DMD: variants seen among roughly 807,000 people sequenced by gnomAD.
DMD encodes the protein dystrophin, also known as mutant dystrophin.
DMD carries 63 observed loss-of-function variants against 330.1 expected under a neutral mutation model. The observed-to-expected ratio is 0.19, with a 90% CI of 0.16 to 0.24. The LOEUF is 0.24. DMD is among the 10% of genes least tolerant of loss of function. DMD has a pLI of 1.00. For missense variants in DMD, 3,344 were observed against 2,684.1 expected, an observed-to-expected ratio of 1.25 and a Z score of -5.43; for synonymous variants, 1,223 against 959.8, an observed-to-expected ratio of 1.27 and a Z score of -5.07.
At chrX:32,866,925 A>G (rs920274373) in intron 2 of DMD, among the ~76,000 whole-genome samples, 39 of 111,109 alleles carry the variant, frequency 3.5e-4, no homozygotes, top group African/African-American at 1.1e-3. Context: ...TAGTAGAAAC[A>G]GGGTTTCACC....
intron 2 of DMD, among the ~76,000 whole-genome samples, chrX:32,881,547 T>C (rs17338877): frequency 0.071 from 7,964 of 111,868 alleles, 294 homozygotes; most frequent in Middle Eastern, 0.16. Context: ...TATTCAATAG[T>C]AGGCAGCAAT....
chrX:32,924,673 T>C (rs1003344151), intron 2 of DMD, among the ~76,000 whole-genome samples: 3 of 112,295 alleles, frequency 2.7e-5, no homozygotes, highest in African/African-American at 6.5e-5. Context: ...TAAAATACAC[T>C]GATTTTCTCC....
intron 44 of DMD, among the ~76,000 whole-genome samples, chrX:32,059,537 C>T (rs1300931886): frequency 1.8e-5 from 2 of 111,934 alleles, no homozygotes; most frequent in South Asian, 3.6e-4. Context: ...TGTGTATCAA[C>T]GGCAGTGTGA....
chrX:31,664,529 CTTTTTTTT>C (rs57706460), intron 53 of DMD, among the ~76,000 whole-genome samples: 1 of 63,786 alleles, frequency 1.6e-5, no homozygotes, highest in African/African-American at 6.9e-5. Flanking sequence ...AGTGTTCAAG[CTTTTTTTT>C]TTTTTTTTTT....
At position 32,395,321 on chromosome X, in the gene DMD, G is replaced by A. The variant is rs187770479; in HGVS notation, c.4234-5140C>T. 1.9e-4 allele frequency among the ~76,000 whole-genome samples: 21 copies of A among 110,992 alleles called. 1 individual carries two copies. In the East Asian group the frequency reaches 5.1e-3, roughly 27 times the overall value. On this transcript the variant is annotated intron_variant, in intron 30 of 78. Coordinates refer to ENST00000357033, the MANE Select transcript of DMD (RefSeq NM_004006.3). ...AATTGTTGCCCCTATACTTACAGAAGCCTTATTTTAAGAGGCAGACTGTAG... is the reference window on the plus strand; with the variant it reads ...AATTGTTGCCCCTATACTTACAGAAACCTTATTTTAAGAGGCAGACTGTAG...
At chrX:33,153,897 C>T (rs1357875614) in intron 1 of DMD, among the ~76,000 whole-genome samples, 4 of 112,042 alleles carry the variant, frequency 3.6e-5, no homozygotes, top group East Asian at 2.8e-4. Context: ...ATAAGTCATA[C>T]GATACAATAT....
In DMD at chrX:31,178,245, T is replaced by A. The variant is rs146013792; in HGVS notation, c.10224-275A>T. 4.0e-5 allele frequency: 30 copies of A among 750,954 alleles called. No individual in the cohort carries two copies. In the African/African-American group the frequency reaches 6.5e-4, roughly 16 times the overall value. 61.9% of individuals were successfully genotyped at this position (750,954 alleles called of 1,213,427 possible). Reference sequence around the variant, plus strand: ...CTACTTACTGTGAAGTAGTTTCCTGTGACTATATTTTCTTTTGAGTAGAAA... The same window carrying A: ...CTACTTACTGTGAAGTAGTTTCCTGAGACTATATTTTCTTTTGAGTAGAAA... On this transcript the variant is annotated intron_variant, in intron 70 of 78. Coordinates refer to ENST00000357033, the MANE Select transcript of DMD (RefSeq NM_004006.3).
intron 1 of DMD, among the ~76,000 whole-genome samples, chrX:33,302,613 A>G (rs1281478965): frequency 9.0e-6 from 1 of 111,232 alleles, no homozygotes; most frequent in Non-Finnish European, 1.9e-5. Flanking sequence ...TAAAGAACTT[A>G]ATTTTTCTAG....
chrX:32,566,646 T>C (rs2051749111), intron 15 of DMD, among the ~76,000 whole-genome samples: 1 of 112,390 alleles, frequency 8.9e-6, no homozygotes, highest in Non-Finnish European at 1.9e-5. Context: ...ATACCATTTA[T>C]ATTTCCAAAG....
At position 32,849,878 on chromosome X, in the gene DMD, C is replaced by A; in HGVS notation, c.94-58G>T. ...AAGCACACTTCCAATGATACATTTT[C>A]ACGATTATCCCCTTTTGAAAACTAA... On this transcript the variant is annotated intron_variant, in intron 2 of 78. Coordinates refer to ENST00000357033, the MANE Select transcript of DMD (RefSeq NM_004006.3). The A allele has an allele frequency of 8.2e-6, 7 of 849,236 alleles. No homozygotes were observed. The Admixed American group carries it at 1.6e-4, about 19-fold the overall frequency. 70.0% of individuals were successfully genotyped at this position (849,236 alleles called of 1,213,427 possible).
intron 37 of DMD, among the ~76,000 whole-genome samples, chrX:32,362,504 A>G (rs1364181554): frequency 9.0e-6 from 1 of 111,291 alleles, no homozygotes; most frequent in African/African-American, 3.3e-5. Flanking sequence ...GACCCCTGAA[A>G]GTACGTATGT....
chrX:32,355,395 A>G (rs1312668610), intron 37 of DMD, among the ~76,000 whole-genome samples: 1 of 111,368 alleles, frequency 9.0e-6, no homozygotes, highest in Non-Finnish European at 1.9e-5. Context: ...CTCTGGTCCA[A>G]AGCAAAATTG....
intron 57 of DMD, 87 bp from the exon 58 acceptor site, chrX:31,479,190 A>G: frequency 9.6e-7 from 1 of 1,039,473 alleles, no homozygotes; most frequent in East Asian, 3.1e-5. Context: ...TTGTTTATGA[A>G]ACTCCCAGGT....
intron 9 of DMD, among the ~76,000 whole-genome samples, chrX:32,694,515 C>CACAT (rs1366664830): frequency 1.8e-5 from 2 of 111,950 alleles, no homozygotes; most frequent in Non-Finnish European, 3.8e-5. Context: ...TTTCATAAGT[C>CACAT]ACATCTACTG....
chrX:32,434,654 T>G (rs1347091812), intron 29 of DMD, among the ~76,000 whole-genome samples: 1 of 112,024 alleles, frequency 8.9e-6, no homozygotes, highest in Non-Finnish European at 1.9e-5. Flanking sequence ...CAACAGTCTT[T>G]TTAACTAGAT....
At chrX:32,654,267 A>G (rs368378521) in intron 9 of DMD, among the ~76,000 whole-genome samples, 1 of 111,657 alleles carries the variant, frequency 9.0e-6, no homozygotes, top group Non-Finnish European at 1.9e-5. Context: ...TGCCCATTCA[A>G]TATGATAGTG....
At position 32,333,431 on chromosome X, in the gene DMD, G is replaced by A. The variant is rs372565420; in HGVS notation, c.5922+8669C>T. On this transcript the variant is annotated intron_variant, in intron 41 of 78. Coordinates refer to ENST00000357033, the MANE Select transcript of DMD (RefSeq NM_004006.3). ...GAAAATATTATTCTACCGTCTTCTGGCTTCTATCATTGCTCTAAAACCAGG... is the reference window on the plus strand; with the variant it reads ...GAAAATATTATTCTACCGTCTTCTGACTTCTATCATTGCTCTAAAACCAGG... Among the ~76,000 whole-genome samples the A allele has an allele frequency of 3.6e-5, 4 of 110,911 alleles. No homozygotes were observed. The South Asian group carries it at 1.5e-3, about 42-fold the overall frequency.
chrX:31,721,908 C>T (rs1002052620), intron 52 of DMD, among the ~76,000 whole-genome samples: 1 of 107,217 alleles, frequency 9.3e-6, no homozygotes, highest in South Asian at 4.0e-4. Context: ...CTGATTAATG[C>T]ACAATATATT....
At chrX:32,560,396 T>C (rs1230852720) in intron 16 of DMD, among the ~76,000 whole-genome samples, 1 of 111,253 alleles carries the variant, frequency 9.0e-6, no homozygotes, top group Admixed American at 9.6e-5. Flanking sequence ...TCAAATCACA[T>C]ACATTATATT....
Sources: gnomAD v4.1 joint callset for allele counts (sites outside exome capture counted in the v4.1 genomes callset) on GRCh38, gnomAD v4.1.1 for gene constraint, MANE v1.5 for transcripts, NCBI Gene and HGNC (gene_info 2026-07-23, HGNC 2026-07-21) for gene names.